MIXL1: variants seen among roughly 807,000 people sequenced by gnomAD.
The protein encoded by MIXL1 is Mix paired-like homeobox, also known as homeobox protein MIXL1.
Under a neutral mutation model 9.3 loss-of-function variants are expected in MIXL1, and 9 were observed. That is an observed-to-expected ratio of 0.97 (90% CI 0.58 to 1.69). MIXL1 has a LOEUF of 1.69. Among genes scored for constraint, MIXL1 ranks in the 40% most tolerant of loss-of-function variants. The pLI, the probability that MIXL1 is intolerant of heterozygous loss-of-function variation, is 0.00. For synonymous variants in MIXL1, 164 were observed against 155.6 expected (o/e 1.05, Z -0.40); for missense variants, 330 against 331.7 (o/e 0.99, Z 0.04).
intron 1 of MIXL1, 25 bp from the exon 2 acceptor site, chr1:226,225,466 ACTCCAACCAAAAGCAG>A: frequency 6.3e-7 from 1 of 1,598,564 alleles, no homozygotes; most frequent in Non-Finnish European, 8.5e-7. Context: ...AGCATAAAAA[ACTCCAACCAAAAGCAG>A]CTTTTATTTT....
rs1657141151 is a variant in MIXL1, at chr1:226,225,654, G to A, written c.541G>A (p.Val181Met). The A allele has an allele frequency of 6.2e-7, 1 of 1,614,206 alleles. No homozygotes were observed. Among genetic ancestry groups the A allele is most frequent in the Non-Finnish European group, 8.5e-7 (1 of 1,180,042 alleles). The part of the protein sequence containing the change: ...LKPQLPLEVD[V>M]NCLPEPNGVG... ...GCCCCAGCTGCCTCTTGAGGTAGAT[G>A]TGAACTGCCTGCCCGAACCAAACGG... is the stretch of plus-strand genomic sequence containing the variant. Residue 181 changes from valine to methionine, a missense_variant, in exon 2 of 2, where the codon GTG (valine) becomes ATG (methionine). Transcript: ENST00000366810.
Position 226,224,010 on chromosome 1 carries a change from A to T in MIXL1, c.329A>T (p.Tyr110Phe). 6.9e-7 allele frequency: 1 copy of T among 1,439,924 alleles called. No individual in the cohort carries two copies. The highest frequency in any genetic ancestry group is 9.2e-7 in the Non-Finnish European group (1 of 1,083,712). 89.2% of individuals were successfully genotyped at this position (1,439,924 alleles called of 1,614,324 possible). A position where few individuals can be genotyped will look rare whatever the true frequency, so the allele number is the denominator to read the frequency against. Residue 110 changes from tyrosine to phenylalanine, a missense_variant, in exon 1 of 2, where the codon TAC (tyrosine) becomes TTC (phenylalanine). Physicochemically the swap from Tyr to Phe is conservative, Grantham distance 22. Transcript: ENST00000366810. ...LLELVFRRTR[Y>F]PDIHLRERLA... ...GAGCTCGTCTTCCGCCGGACCCGGT[A>T]CCCCGACATCCACTTGCGCGAGCGC...
At position 226,223,713 on chromosome 1, in the gene MIXL1, T is replaced by C; in HGVS notation, c.32T>C (p.Phe11Ser). The C allele has an allele frequency of 2.0e-6, 3 of 1,467,364 alleles. No individual in the cohort carries two copies. The highest frequency in any genetic ancestry group is 1.3e-5 in the South Asian group (1 of 75,892). The allele number at this position is 1,467,364 out of a possible 1,614,324, so 90.9% of individuals were successfully genotyped here. A position where few individuals can be genotyped will look rare whatever the true frequency, so the allele number is the denominator to read the frequency against. Reference sequence around the variant, plus strand: ...ACAGCCGAGTCCCGTGCGCTCCAGTTTGCCGAGGGCGCCGCGTTTCCAGCG... The same window carrying C: ...ACAGCCGAGTCCCGTGCGCTCCAGTCTGCCGAGGGCGCCGCGTTTCCAGCG... MATAESRALQ[F>S]AEGAAFPAYR... is the part of the protein sequence containing the mutation. The change falls in exon 1 of 2, where the codon TTT becomes TCT. Residue 11 changes from phenylalanine to serine, a missense_variant. Coordinates refer to ENST00000366810, the MANE Select transcript of MIXL1 (RefSeq NM_031944.3).
Position 226,223,824 on chromosome 1 carries a change from GC to G in MIXL1, c.146del (p.Pro49GlnfsTer123). 8.2e-7 allele frequency: 1 copy of G among 1,214,198 alleles called. No homozygotes were observed. The highest frequency in any genetic ancestry group is 1.0e-6 in the Non-Finnish European group (1 of 978,386). 75.2% of individuals were successfully genotyped at this position (1,214,198 alleles called of 1,614,324 possible). Reference sequence around the variant, plus strand: ...CTCCCTGCGCCGCCCGCGGGCCCCGGCCCAGCGACCTTTGCGGGCTTCCTCG... The same window carrying G: ...CTCCCTGCGCCGCCCGCGGGCCCCGGCCAGCGACCTTTGCGGGCTTCCTCG... ...ALLPAPPAGP[G>X]PATFAGFLGR... On this transcript the variant is annotated frameshift_variant, in exon 1 of 2. Coordinates refer to ENST00000366810, the MANE Select transcript of MIXL1 (RefSeq NM_031944.3). LOFTEE classifies it high-confidence loss of function.
chr1:226,224,622 G>A (rs1657112117), intron 1 of MIXL1, among the ~76,000 whole-genome samples: 2 of 152,068 alleles, frequency 1.3e-5, no homozygotes, highest in Admixed American at 1.3e-4. Flanking sequence ...TCTAGTGCAA[G>A]GTGTGTTTAT....
chr1:226,225,858 C>A lies in MIXL1; in HGVS notation c.*46C>A. 1 of 1,485,790 alleles carries A rather than the reference C, an allele frequency of 6.7e-7. No homozygotes were observed. 92.0% of individuals were successfully genotyped at this position (1,485,790 alleles called of 1,614,324 possible). On this transcript the variant is annotated 3_prime_UTR_variant, in exon 2 of 2. Coordinates refer to ENST00000366810, the MANE Select transcript of MIXL1 (RefSeq NM_031944.3). ...ATAAGCTCTGAGGAGCCATGACTGA[C>A]AGCCTGGGAGAGACACATCAGCATA...
chr1:226,225,930 G>A lies in MIXL1; in HGVS notation c.*118G>A. 1.1e-6 allele frequency: 1 copy of A among 888,438 alleles called. No individual in the cohort carries two copies. Among genetic ancestry groups the A allele is most frequent in the Non-Finnish European group, 1.7e-6 (1 of 575,114 alleles). The allele number at this position is 888,438 out of a possible 1,614,324, so 55.0% of individuals were successfully genotyped here. On this transcript the variant is annotated 3_prime_UTR_variant, in exon 2 of 2. Transcript: ENST00000366810. ...CTAAGGACATGTCCTTGTTAACCTT[G>A]ATGATGGTTTTGACAGCACCTCTCA... is the stretch of plus-strand genomic sequence containing the variant.
In MIXL1 at chr1:226,225,847, G is replaced by A; in HGVS notation, c.*35G>A. ...GAGAATTCGGGATAAGCTCTGAGGA[G>A]CCATGACTGACAGCCTGGGAGAGAC... On this transcript the variant is annotated 3_prime_UTR_variant, in exon 2 of 2. Coordinates refer to ENST00000366810, the MANE Select transcript of MIXL1 (RefSeq NM_031944.3). 6.5e-7 allele frequency: 1 copy of A among 1,541,066 alleles called. No homozygotes were observed. The highest frequency in any genetic ancestry group is 8.9e-7 in the Non-Finnish European group (1 of 1,129,828).
Position 226,225,679 on chromosome 1 carries a change from G to T in MIXL1, c.566G>T (p.Gly189Val), listed in dbSNP as rs1274155135. Residue 189 changes from glycine (G) to valine (V), a missense_variant, in exon 2 of 2, where the codon GGG (glycine) becomes GTG (valine). Gly to Val is a moderately radical substitution (Grantham distance 109). Transcript: ENST00000366810. ...GTGAACTGCCTGCCCGAACCAAACG[G>T]GGTTGGAGGGGGCATCTCTGACTCT... Reference protein sequence around the residue: ...VDVNCLPEPNGVGGGISDSSS... With the variant: ...VDVNCLPEPNVVGGGISDSSS... 6.2e-7 allele frequency: 1 copy of T among 1,614,150 alleles called. No homozygotes were observed.
At chr1:226,224,106 T>C in intron 1 of MIXL1, 32 bp downstream of exon 1, 1 of 1,273,218 alleles carries the variant, frequency 7.9e-7, no homozygotes, top group South Asian at 3.4e-5. Context: ...AAGTGCGCGC[T>C]GGAGCGGAGG....
At chr1:226,224,907 C>G (rs1657121929) in intron 1 of MIXL1, among the ~76,000 whole-genome samples, 1 of 152,218 alleles carries the variant, frequency 6.6e-6, no homozygotes, top group South Asian at 2.1e-4. Context: ...GCTGGGATTA[C>G]AGGCGTGAGC....
At position 226,225,616 on chromosome 1, in the gene MIXL1, C is replaced by G. The variant is rs368158684; in HGVS notation, c.503C>G (p.Thr168Arg). 2 of 1,614,046 alleles carry G rather than the reference C, an allele frequency of 1.2e-6. No homozygotes were observed. Among genetic ancestry groups the G allele is most frequent in the South Asian group, 1.1e-5 (1 of 91,080 alleles). The change falls in exon 2 of 2, where the codon ACG (threonine) becomes AGG (arginine). Residue 168 changes from threonine (T) to arginine (R), a missense_variant. By Grantham distance (71) the Thr-to-Arg change is moderately conservative (BLOSUM62 -1). Coordinates refer to ENST00000366810, the MANE Select transcript of MIXL1 (RefSeq NM_031944.3). ...AACCACTGTGCTCCTGGAACTGAAACGAAATGTCTGAAGCCCCAGCTGCCT... is the reference window on the plus strand; with the variant it reads ...AACCACTGTGCTCCTGGAACTGAAAGGAAATGTCTGAAGCCCCAGCTGCCT... ...ILNHCAPGTE[T>R]KCLKPQLPLE...
At chr1:226,225,356 C>CAT in intron 1 of MIXL1, 151 bp from the exon 2 acceptor site, 1 of 777,554 alleles carries the variant, frequency 1.3e-6, no homozygotes, top group Non-Finnish European at 2.0e-6. Flanking sequence ...TTCTGAACTT[C>CAT]TAATCGTCAA....
At position 226,224,068 on chromosome 1, in the gene MIXL1, G is replaced by T; in HGVS notation, c.387G>T (p.Arg129Ser). The T allele has an allele frequency of 7.5e-7, 1 of 1,338,290 alleles. No homozygotes were observed. Among genetic ancestry groups the T allele is most frequent in the South Asian group, 2.3e-5 (1 of 43,476 alleles). The allele number at this position is 1,338,290 out of a possible 1,614,324, so 82.9% of individuals were successfully genotyped here. Residue 129 changes from arginine (R) to serine (S), a missense_variant, in exon 1 of 2, where the codon AGG becomes AGT. Transcript: ENST00000366810. ...CGCTCACCCTGCTCCCCGAGTCCAG[G>T]ATCCAGGTGAGGGCCCGCTGCGTTC... Reference protein sequence around the residue: ...LAALTLLPESRIQVWFQNRRA... With the variant: ...LAALTLLPESSIQVWFQNRRA...
At position 226,223,942 on chromosome 1, in the gene MIXL1, C is replaced by G; in HGVS notation, c.261C>G (p.Arg87=). Residue 87 remains arginine, a synonymous_variant, in exon 1 of 2, where the codon CGC becomes CGG. Transcript: ENST00000366810. The part of the protein sequence containing the change: ...KGAAAPSASQ[R]RKRTSFSAEQ... ...CGGCCGCCCCGTCGGCGTCGCAGCGCCGCAAGCGCACGTCTTTCAGCGCCG... is the reference window on the plus strand; with the variant it reads ...CGGCCGCCCCGTCGGCGTCGCAGCGGCGCAAGCGCACGTCTTTCAGCGCCG... 7.0e-7 allele frequency: 1 copy of G among 1,427,108 alleles called. No homozygotes were observed. The highest frequency in any genetic ancestry group is 2.8e-5 in the East Asian group (1 of 35,860). 88.4% of individuals were successfully genotyped at this position (1,427,108 alleles called of 1,614,324 possible). A position where few individuals can be genotyped will look rare whatever the true frequency, so the allele number is the denominator to read the frequency against.
At chr1:226,224,323 C>G (rs762228780) in intron 1 of MIXL1, among the ~76,000 whole-genome samples, 34 of 152,212 alleles carry the variant, frequency 2.2e-4, no homozygotes, top group African/African-American at 8.2e-4. Flanking sequence ...ATAAGGGCTC[C>G]TAGGAGGCTA....
chr1:226,223,894 C>G lies in MIXL1; in HGVS notation c.213C>G (p.Gly71=), dbSNP rs1344560644. Residue 71 remains glycine (G), a synonymous_variant, in exon 1 of 2, where the codon GGC becomes GGG. Transcript: ENST00000366810. ...CCCCGCCGCCCCCCGCCAGCCTGGGCTCGCCTGCGCCCCCCAAAGGCGCGG... is the reference window on the plus strand; with the variant it reads ...CCCCGCCGCCCCCCGCCAGCCTGGGGTCGCCTGCGCCCCCCAAAGGCGCGG... ...GPAPPPPASL[G]SPAPPKGAAA... is the part of the protein sequence containing the mutation. The G allele has an allele frequency of 7.9e-7, 1 of 1,258,732 alleles. No individual in the cohort carries two copies. Among genetic ancestry groups the G allele is most frequent in the Non-Finnish European group, 1.0e-6 (1 of 1,000,220 alleles). The allele number at this position is 1,258,732 out of a possible 1,614,324, so 78.0% of individuals were successfully genotyped here. A position where few individuals can be genotyped will look rare whatever the true frequency, so the allele number is the denominator to read the frequency against.
Position 226,223,750 on chromosome 1 carries a change from C to A in MIXL1, c.69C>A (p.Pro23=). The A allele has an allele frequency of 7.0e-7, 1 of 1,433,768 alleles. No individual in the cohort carries two copies. The highest frequency in any genetic ancestry group is 9.1e-7 in the Non-Finnish European group (1 of 1,096,286). 88.8% of individuals were successfully genotyped at this position (1,433,768 alleles called of 1,614,324 possible). Residue 23 remains proline (P), a synonymous_variant, in exon 1 of 2, where the codon CCC becomes CCA. Transcript: ENST00000366810. The stretch of plus-strand genomic sequence containing the variant: ...CCGCGTTTCCAGCGTACCGGGCCCC[C>A]CACGCCGGCGGGGCGCTCCTGCCGC... The part of the protein sequence containing the change: ...EGAAFPAYRA[P]HAGGALLPPP...
Position 226,223,907 on chromosome 1 carries a change from C to G in MIXL1, c.226C>G (p.Pro76Ala), listed in dbSNP as rs1371316125. 2.3e-6 allele frequency: 3 copies of G among 1,327,866 alleles called. No individual in the cohort carries two copies. The highest frequency in any genetic ancestry group is 2.9e-6 in the Non-Finnish European group (3 of 1,031,494). 82.3% of individuals were successfully genotyped at this position (1,327,866 alleles called of 1,614,324 possible). Reference sequence around the variant, plus strand: ...CGCCAGCCTGGGCTCGCCTGCGCCCCCCAAAGGCGCGGCCGCCCCGTCGGC... The same window carrying G: ...CGCCAGCCTGGGCTCGCCTGCGCCCGCCAAAGGCGCGGCCGCCCCGTCGGC... ...PPASLGSPAP[P>A]KGAAAPSASQ... The change falls in exon 1 of 2, where the codon CCC becomes GCC. Residue 76 changes from proline to alanine, a missense_variant. By Grantham distance (27) the Pro-to-Ala change is conservative. Coordinates refer to ENST00000366810, the MANE Select transcript of MIXL1 (RefSeq NM_031944.3).
Sources: allele counts gnomAD v4.1 joint callset (sites outside exome capture counted in the v4.1 genomes callset), GRCh38; gene constraint gnomAD v4.1.1; transcripts MANE v1.5; gene names NCBI Gene and HGNC (gene_info 2026-07-23, HGNC 2026-07-21).